STARD13: variants seen among roughly 807,000 people sequenced by gnomAD.
STARD13 encodes the protein StAR related lipid transfer domain containing 13.
Under a neutral mutation model 106.4 loss-of-function variants are expected in STARD13, and 62 were observed. That is an observed-to-expected ratio of 0.58 (90% CI 0.48 to 0.72). The LOEUF (loss-of-function observed/expected upper bound fraction) is 0.72, where lower values mean the gene tolerates loss of function less well. Ranked by LOEUF, STARD13 falls within the 30% of genes least tolerant of loss-of-function variation. The pLI is 0.00. For missense variants in STARD13, 1,387 were observed against 1,424.0 expected, an observed-to-expected ratio of 0.97 and a Z score of 0.42; for synonymous variants, 565 against 553.0, an observed-to-expected ratio of 1.02 and a Z score of -0.31.
At chr13:33,585,626 A>G in the STARD13 span, among the ~76,000 whole-genome samples, 5,573 of 152,264 alleles carry the variant, frequency 0.037, 267 homozygotes, top group African/African-American at 0.1. Flanking sequence ...CCAAGGAGGC[A>G]GAGGTTACTG....
chr13:33,489,538 G>T, the STARD13 span, among the ~76,000 whole-genome samples: 1 of 152,152 alleles, frequency 6.6e-6, no homozygotes, highest in African/African-American at 2.4e-5. Flanking sequence ...TGTGGGTCAA[G>T]TCCAATCAAC....
At chr13:33,206,712 A>T (rs903849876) in intron 1 of STARD13, among the ~76,000 whole-genome samples, 3 of 152,228 alleles carry the variant, frequency 2.0e-5, no homozygotes, top group African/African-American at 7.2e-5. Flanking sequence ...CTGTGGAACA[A>T]TCAGTCTGCT....
chr13:33,162,719 C>T (rs1023443359), intron 3 of STARD13, among the ~76,000 whole-genome samples: 1 of 151,890 alleles, frequency 6.6e-6, no homozygotes, highest in Non-Finnish European at 1.5e-5. Context: ...TCTGAGACAA[C>T]CTCAACCTGG....
chr13:33,259,838 T>C (rs936941963), intron 1 of STARD13, among the ~76,000 whole-genome samples: 1 of 152,018 alleles, frequency 6.6e-6, no homozygotes, highest in Non-Finnish European at 1.5e-5. Context: ...AAATCTCATC[T>C]TGAACTGTAG....
chr13:33,385,863 AC>A, the STARD13 span, among the ~76,000 whole-genome samples: 22 of 146,248 alleles, frequency 1.5e-4, no homozygotes, highest in African/African-American at 4.2e-4. Context: ...AAAAAAAAAA[AC>A]AAAAAAAAAA....
At chr13:33,357,955 C>T in the STARD13 span, among the ~76,000 whole-genome samples, 5 of 152,226 alleles carry the variant, frequency 3.3e-5, no homozygotes, top group Non-Finnish European at 5.9e-5. Flanking sequence ...GAGCCCACTC[C>T]CTCAGCTTGC....
At chr13:33,558,715 G>A in the STARD13 span, among the ~76,000 whole-genome samples, 1 of 147,228 alleles carries the variant, frequency 6.8e-6, no homozygotes, top group Admixed American at 6.7e-5. Flanking sequence ...GCTATCCTAG[G>A]GCCTGAAAAT....
the STARD13 span, among the ~76,000 whole-genome samples, chr13:33,675,384 T>C: frequency 0.012 from 1,781 of 152,200 alleles, 30 homozygotes; most frequent in African/African-American, 0.039. Flanking sequence ...GAAAGGAAAA[T>C]GTCTGGAGGA....
chr13:33,660,357 C>T, the STARD13 span, among the ~76,000 whole-genome samples: 1 of 152,124 alleles, frequency 6.6e-6, no homozygotes, highest in South Asian at 2.1e-4. Flanking sequence ...AACATTTCTC[C>T]AATTGTTAAA....
chr13:33,375,901 A>G, the STARD13 span, among the ~76,000 whole-genome samples: 2 of 152,130 alleles, frequency 1.3e-5, no homozygotes, highest in African/African-American at 4.8e-5. Flanking sequence ...ACTGGTTTTG[A>G]CCACATTACT....
At chr13:33,464,159 C>A in the STARD13 span, among the ~76,000 whole-genome samples, 5 of 151,266 alleles carry the variant, frequency 3.3e-5, no homozygotes, top group Non-Finnish European at 5.9e-5. Flanking sequence ...TCAAAGTAAG[C>A]CAGTAGGGGG....
chr13:33,619,206 C>T, the STARD13 span, among the ~76,000 whole-genome samples: 2 of 152,152 alleles, frequency 1.3e-5, no homozygotes, highest in East Asian at 3.8e-4. Context: ...AAAGACAAAA[C>T]TGTACTCAAA....
upstream of STARD13, chr13:33,355,057 A>T (rs1376239510): frequency 2.0e-5 from 3 of 152,202 alleles, no homozygotes; most frequent in African/African-American, 7.2e-5. Context: ...AATTTATTTT[A>T]AAGCTTTCAC....
chr13:33,203,450 G>C (rs984765741), intron 1 of STARD13, among the ~76,000 whole-genome samples: 3 of 152,164 alleles, frequency 2.0e-5, no homozygotes, highest in Admixed American at 6.5e-5. Flanking sequence ...ATATTTATTT[G>C]TATGGTATAT....
chr13:33,581,181 A>G, the STARD13 span, among the ~76,000 whole-genome samples: 1 of 152,322 alleles, frequency 6.6e-6, no homozygotes, highest in Admixed American at 6.5e-5. Flanking sequence ...TTCAGTAATC[A>G]GTATTTATCA....
chr13:33,657,283 G>GAA, the STARD13 span, among the ~76,000 whole-genome samples: 36 of 151,364 alleles, frequency 2.4e-4, no homozygotes, highest in East Asian at 6.0e-3. Flanking sequence ...AACAAACAAA[G>GAA]AAAAAAAACA....
At chr13:33,156,759 T>C (rs1327288907) in intron 3 of STARD13, among the ~76,000 whole-genome samples, 1 of 152,164 alleles carries the variant, frequency 6.6e-6, no homozygotes, top group Non-Finnish European at 1.5e-5. Flanking sequence ...TGAGTAAATA[T>C]TTGCAATATA....
the STARD13 span, among the ~76,000 whole-genome samples, chr13:33,573,666 G>C: frequency 6.6e-6 from 1 of 152,178 alleles, no homozygotes; most frequent in South Asian, 2.1e-4. Context: ...TATTCAGGCA[G>C]AGAATGTTCC....
At chr13:33,279,082 T>A (rs1024796017) in intron 1 of STARD13, among the ~76,000 whole-genome samples, 2 of 152,172 alleles carry the variant, frequency 1.3e-5, no homozygotes, top group Non-Finnish European at 2.9e-5. Context: ...TCTTCTTAAG[T>A]CTTCTTGATT....
Sources: gnomAD v4.1 joint callset for allele counts (sites outside exome capture counted in the v4.1 genomes callset) on GRCh38, gnomAD v4.1.1 for gene constraint, MANE v1.5 for transcripts, NCBI Gene and HGNC (gene_info 2026-07-23, HGNC 2026-07-21) for gene names.